The following ZNF43 variants were observed in gnomAD, a reference collection of about 807,000 sequenced individuals.
ZNF43 encodes the protein zinc finger protein 39-like 1 (KOX 27).
In ZNF43, 44 loss-of-function variants were observed where a neutral mutation model predicts 68.4. The observed-to-expected ratio is 0.64, with a 90% CI of 0.51 to 0.83. The LOEUF is 0.83. ZNF43 is among the 40% of genes least tolerant of loss of function. ZNF43 has a pLI of 0.00. For missense variants in ZNF43, 896 were observed against 933.2 expected (o/e 0.96, Z 0.52); for synonymous variants, 308 against 307.8 (o/e 1.00, Z -0.01).
intron 3 of ZNF43, among the ~76,000 whole-genome samples, chr19:21,812,433 TA>T (rs1357048350): frequency 2.0e-5 from 3 of 151,730 alleles, no homozygotes; most frequent in Non-Finnish European, 4.4e-5. Flanking sequence ...CTCTTAAAAC[TA>T]ACAATAAAGT....
intron 1 of ZNF43, among the ~76,000 whole-genome samples, chr19:21,847,879 G>A (rs1314980544): frequency 6.6e-6 from 1 of 152,114 alleles, no homozygotes; most frequent in African/African-American, 2.4e-5. Flanking sequence ...TGTCACCCAG[G>A]CTGGAGTGTA....
At chr19:21,825,620 T>G (rs926378612) in intron 1 of ZNF43, among the ~76,000 whole-genome samples, 8 of 152,138 alleles carry the variant, frequency 5.3e-5, no homozygotes, top group Non-Finnish European at 1.2e-4. Context: ...CTACACAGTT[T>G]AGGGCATTTT....
At chr19:21,820,570 TC>T (rs2037772820) in intron 1 of ZNF43, among the ~76,000 whole-genome samples, 1 of 148,154 alleles carries the variant, frequency 6.7e-6, no homozygotes, top group Non-Finnish European at 1.5e-5. Context: ...AGAGAAAGAC[TC>T]TGTCTCAAAA....
chr19:21,835,881 G>A (rs2038698044), intron 1 of ZNF43, among the ~76,000 whole-genome samples, 155 bp downstream of exon 1: 1 of 152,218 alleles, frequency 6.6e-6, no homozygotes, highest in South Asian at 2.1e-4. Context: ...GCCCGGGGCT[G>A]CCTCCCAGAG....
At chr19:21,814,072 C>A (rs763361083) in intron 3 of ZNF43, among the ~76,000 whole-genome samples, 30 of 152,024 alleles carry the variant, frequency 2.0e-4, no homozygotes, top group Non-Finnish European at 3.2e-4. Flanking sequence ...GAAATGTACA[C>A]TTCAATAGAT....
chr19:21,851,779 G>T, intron 1 of ZNF43: 1 of 1,034,508 alleles, frequency 9.7e-7, no homozygotes, highest in Non-Finnish European at 1.3e-6. Flanking sequence ...GCCATCTTGC[G>T]GCCAGAGGGG....
chr19:21,832,891 A>T (rs2038492333), intron 1 of ZNF43, among the ~76,000 whole-genome samples: 1 of 152,188 alleles, frequency 6.6e-6, no homozygotes, highest in Non-Finnish European at 1.5e-5. Flanking sequence ...TATGTGGTAA[A>T]CAATTAGTCA....
Position 21,807,372 on chromosome 19 carries a change from T to G in ZNF43, c.*235A>C, listed in dbSNP as rs1024511040. On this transcript the variant is annotated 3_prime_UTR_variant, in exon 4 of 4. Coordinates refer to ENST00000354959, the MANE Select transcript of ZNF43 (RefSeq NM_003423.4). ...TAAGTACAGACTCTCTGATGTTGAG[T>G]AAGATATGAGCACATATTAATGGCT... is the stretch of plus-strand genomic sequence containing the variant. 6 of 365,792 alleles carry G rather than the reference T, an allele frequency of 1.6e-5. No individual in the cohort carries two copies. The highest frequency in any genetic ancestry group is 1.3e-4 in the African/African-American group (6 of 47,856). 22.7% of individuals were successfully genotyped at this position (365,792 alleles called of 1,614,324 possible).
In ZNF43 at chr19:21,809,016, G is replaced by T; in HGVS notation, c.1021C>A (p.Pro341Thr). 1.9e-6 allele frequency: 3 copies of T among 1,613,078 alleles called. No homozygotes were observed. The highest frequency in any genetic ancestry group is 2.5e-6 in the Non-Finnish European group (3 of 1,179,674). ...TTGCCACATTCTTCACATGTGTAGG[G>T]TTTCTCTCCAGTATGAATTCTCTTA... ...KHKRIHTGEK[P>T]YTCEECGKAF... The change falls in exon 4 of 4, where the codon CCC becomes ACC. Residue 341 changes from proline to threonine, a missense_variant. Physicochemically the swap from Pro to Thr is conservative, Grantham distance 38. Coordinates refer to ENST00000354959, the MANE Select transcript of ZNF43 (RefSeq NM_003423.4).
chr19:21,818,952 G>A (rs921997331), intron 2 of ZNF43, 143 bp downstream of exon 2: 6 of 1,157,384 alleles, frequency 5.2e-6, no homozygotes, highest in African/African-American at 4.8e-5. Context: ...ATTCTTTAGT[G>A]CGCCAACAAA....
At chr19:21,834,365 AAGAAAAG>A (rs1011554757) in intron 1 of ZNF43, among the ~76,000 whole-genome samples, 3 of 126,832 alleles carry the variant, frequency 2.4e-5, no homozygotes, top group Admixed American at 2.3e-4. Context: ...TAAAGAAAAA[AAGAAAAG>A]GAAAAGAGGC....
rs2145141945 is a variant in ZNF43 at position 21,807,861 on chromosome 19, T to C, written c.2176A>G (p.Lys726Glu). The part of the protein sequence containing the change: ...NRSSNLIEHK[K>E]IHTGEQPYKC... ...TAGGGTTGCTCTCCAGTATGAATTTTCTTATGTTCAATAAGGTTTGAGGAT... is the reference window on the plus strand; with the variant it reads ...TAGGGTTGCTCTCCAGTATGAATTTCCTTATGTTCAATAAGGTTTGAGGAT... Residue 726 changes from lysine to glutamate, a missense_variant, in exon 4 of 4, where the codon AAA becomes GAA. Lys to Glu is a moderately conservative substitution (Grantham distance 56). Transcript: ENST00000354959. 6.2e-7 allele frequency: 1 copy of C among 1,613,388 alleles called. No homozygotes were observed. The highest frequency in any genetic ancestry group is 2.2e-5 in the East Asian group (1 of 44,818).
rs183795775 is a variant in ZNF43, at chr19:21,806,203, T to A, written c.*1404A>T. On this transcript the variant is annotated 3_prime_UTR_variant, in exon 4 of 4. Coordinates refer to ENST00000354959, the MANE Select transcript of ZNF43 (RefSeq NM_003423.4). ...TTTTTTTTTTCTTTTTGAGATGGAG[T>A]TTGACTTTTGTTGCCCAGGTTGGAG... is the stretch of plus-strand genomic sequence containing the variant. The A allele has an allele frequency of 1.3e-5, 2 of 149,878 alleles. No individual in the cohort carries two copies. Among genetic ancestry groups the A allele is most frequent in the East Asian group, 3.9e-4 (2 of 5,142 alleles). The allele number at this position is 149,878 out of a possible 1,614,324, so 9.3% of individuals were successfully genotyped here.
rs769778691 is a variant in ZNF43 at position 21,807,944 on chromosome 19, A to G, written c.2093T>C (p.Ile698Thr). ...KLSSTLSTHK[I>T]IHTGEKPYKC... Reference sequence around the variant, plus strand: ...GTAGGGTTTCTCTCCAGTATGAATAATCTTATGTGTAGAAAGGGTTGAGGA... The same window carrying G: ...GTAGGGTTTCTCTCCAGTATGAATAGTCTTATGTGTAGAAAGGGTTGAGGA... The change falls in exon 4 of 4, where the codon ATT (isoleucine) becomes ACT (threonine). Residue 698 changes from isoleucine to threonine, a missense_variant. By Grantham distance (89) the Ile-to-Thr change is moderately conservative. Transcript: ENST00000354959. 1.5e-5 allele frequency: 24 copies of G among 1,607,474 alleles called. No homozygotes were observed. The highest frequency in any genetic ancestry group is 2.0e-5 in the Non-Finnish European group (24 of 1,178,022).
intron 3 of ZNF43, among the ~76,000 whole-genome samples, chr19:21,813,550 GC>G (rs1196472886): frequency 6.6e-6 from 1 of 152,042 alleles, no homozygotes; most frequent in Non-Finnish European, 1.5e-5. Flanking sequence ...CCTGAAATTA[GC>G]AAGTAATGAA....
chr19:21,837,291 GAAT>G (rs529157191), upstream of ZNF43, among the ~76,000 whole-genome samples: 4 of 151,950 alleles, frequency 2.6e-5, no homozygotes, highest in Admixed American at 6.6e-5. Context: ...AGTTCTAATG[GAAT>G]AATAAATGGA....
At chr19:21,849,933 A>G (rs1968231566) in intron 1 of ZNF43, 2 of 152,194 alleles carry the variant, frequency 1.3e-5, no homozygotes, top group African/African-American at 2.4e-5. Flanking sequence ...GGGAGAGAGG[A>G]GTCGCATCAC....
In ZNF43 at chr19:21,808,446, T is replaced by C. The variant is rs2037079511; in HGVS notation, c.1591A>G (p.Thr531Ala). Reference protein sequence around the residue: ...WSSKLTEHKITHTGEKPYKCE... With the variant: ...WSSKLTEHKIAHTGEKPYKCE... ...TTGTAGGGTTTCTCTCCAGTATGAG[T>C]TATCTTATGTTCAGTAAGCTTTGAG... Residue 531 changes from threonine to alanine, a missense_variant, in exon 4 of 4, where the codon ACT becomes GCT. By Grantham distance (58) the Thr-to-Ala change is moderately conservative (BLOSUM62 0). Coordinates refer to ENST00000354959, the MANE Select transcript of ZNF43 (RefSeq NM_003423.4). 6.2e-7 allele frequency: 1 copy of C among 1,613,254 alleles called. No homozygotes were observed.
intron 1 of ZNF43, among the ~76,000 whole-genome samples, chr19:21,823,522 G>A (rs1386085850): frequency 6.6e-6 from 1 of 150,546 alleles, no homozygotes; most frequent in Non-Finnish European, 1.5e-5. Context: ...GGATTCCAGT[G>A]ACCCAGAGCT....
Sources: allele counts gnomAD v4.1 joint callset (sites outside exome capture counted in the v4.1 genomes callset), GRCh38; gene constraint gnomAD v4.1.1; transcripts MANE v1.5; gene names NCBI Gene and HGNC (gene_info 2026-07-23, HGNC 2026-07-21).